The following CERS6 variants were observed in gnomAD, a reference collection of about 807,000 sequenced individuals.
CERS6 encodes the protein LAG1 homolog, ceramide synthase 6.
In CERS6, 26 loss-of-function variants were observed where a neutral mutation model predicts 56.8. That is an observed-to-expected ratio of 0.46 (90% CI 0.34 to 0.63). The LOEUF (loss-of-function observed/expected upper bound fraction) is 0.63. CERS6 is among the 30% of genes least tolerant of loss of function. The pLI, the probability that CERS6 is intolerant of heterozygous loss-of-function variation, is 0.01. For synonymous variants in CERS6, 164 were observed against 173.3 expected (o/e 0.95, Z 0.42); for missense variants, 415 against 467.5 (o/e 0.89, Z 1.04).
Position 168,752,748 on chromosome 2 carries a change from T to C in CERS6, c.846-12844T>C, listed in dbSNP as rs1339789193. ...ACCGTTCAGTGTGCTCAGGAGGCAG[T>C]GGTTTGATCTCATAAATATAGCATT... is the stretch of plus-strand genomic sequence containing the variant. On this transcript the variant is annotated intron_variant, in intron 8 of 9. Coordinates refer to ENST00000305747, the MANE Select transcript of CERS6 (RefSeq NM_203463.3). Among the ~76,000 whole-genome samples the C allele has an allele frequency of 2.6e-5, 4 of 152,252 alleles. No homozygotes were observed. In the East Asian group the frequency reaches 7.7e-4, roughly 29 times the overall value.
At chr2:168,616,012 G>A (rs903493844) in intron 3 of CERS6, among the ~76,000 whole-genome samples, 4 of 152,148 alleles carry the variant, frequency 2.6e-5, no homozygotes, top group South Asian at 2.1e-4. Context: ...TCAGATTTAC[G>A]GCAGATTTCT....
chr2:168,546,634 T>C (rs550502199), intron 1 of CERS6, among the ~76,000 whole-genome samples: 46 of 152,338 alleles, frequency 3.0e-4, no homozygotes, highest in African/African-American at 1.1e-3. Context: ...ATGGTCTGTT[T>C]TGCATATTTA....
intron 6 of CERS6, among the ~76,000 whole-genome samples, chr2:168,713,709 C>T (rs1456688051): frequency 3.3e-5 from 5 of 151,746 alleles, no homozygotes; most frequent in African/African-American, 1.2e-4. Flanking sequence ...GGCTTCAATC[C>T]CCACCAGTAT....
intron 9 of CERS6, among the ~76,000 whole-genome samples, chr2:168,768,904 C>CAA (rs765504573): frequency 3.6e-3 from 211 of 59,294 alleles, no homozygotes; most frequent in African/African-American, 9.7e-3. Context: ...GACTCTGACT[C>CAA]AAAAAAAAAA....
intron 1 of CERS6, among the ~76,000 whole-genome samples, chr2:168,533,593 G>A (rs954469761): frequency 5.3e-5 from 8 of 152,074 alleles, no homozygotes; most frequent in Admixed American, 2.6e-4. Flanking sequence ...CTGTTAGTGT[G>A]GTGAGCTTCC....
At chr2:168,737,758 G>C (rs1364810491) in intron 8 of CERS6, among the ~76,000 whole-genome samples, 1 of 152,220 alleles carries the variant, frequency 6.6e-6, no homozygotes, top group Admixed American at 6.5e-5. Flanking sequence ...TGTCCTAAAA[G>C]TGCCATTGTA....
chr2:168,748,162 G>A (rs937315310), intron 8 of CERS6, among the ~76,000 whole-genome samples: 1 of 152,162 alleles, frequency 6.6e-6, no homozygotes. Flanking sequence ...GATGGCCAAT[G>A]GTGTGTAGGA....
At chr2:168,548,966 A>G (rs544593073) in intron 2 of CERS6, among the ~76,000 whole-genome samples, 40 of 152,312 alleles carry the variant, frequency 2.6e-4, no homozygotes, top group African/African-American at 9.1e-4. Context: ...ACAGTATTTA[A>G]AAGAAAAAAA....
At chr2:168,614,019 A>G (rs1684249863) in intron 3 of CERS6, among the ~76,000 whole-genome samples, 1 of 152,180 alleles carries the variant, frequency 6.6e-6, no homozygotes, top group South Asian at 2.1e-4. Flanking sequence ...GAAATGGCTT[A>G]TTTTCTTATG....
chr2:168,456,333 GCA>G lies in CERS6; in HGVS notation c.-115_-114del. On this transcript the variant is annotated 5_prime_UTR_variant, in exon 1 of 10. Coordinates refer to ENST00000305747, the MANE Select transcript of CERS6 (RefSeq NM_203463.3). This position sits in a 1 kb window ranked among gnomAD's most constrained non-coding sequence, Gnocchi z 4.1. Reference sequence around the variant, plus strand: ...GAGGAGGCGGCGGCGGCGGGCGGGAGCAGCGGCGGCGGCGGCACAGGCTCGGG... The same window carrying G: ...GAGGAGGCGGCGGCGGCGGGCGGGAGGCGGCGGCGGCGGCACAGGCTCGGG... 2 of 575,980 alleles carry G rather than the reference GCA, an allele frequency of 3.5e-6. No homozygotes were observed. Among genetic ancestry groups the G allele is most frequent in the Non-Finnish European group, 4.8e-6 (2 of 418,600 alleles). The allele number at this position is 575,980 out of a possible 1,614,324, so 35.7% of individuals were successfully genotyped here.
intron 3 of CERS6, among the ~76,000 whole-genome samples, chr2:168,626,960 G>T (rs1684604945): frequency 6.6e-6 from 1 of 152,088 alleles, no homozygotes; most frequent in Admixed American, 6.6e-5. Flanking sequence ...GTCCCTGGGA[G>T]TTTATGCTTT....
chr2:168,704,573 TTCC>T, intron 6 of CERS6, among the ~76,000 whole-genome samples: 1 of 152,152 alleles, frequency 6.6e-6, no homozygotes, highest in African/African-American at 2.4e-5. Flanking sequence ...GAGGCACCCC[TTCC>T]ACTCAAGGCT....
At chr2:168,470,948 T>TC (rs58241725) in intron 1 of CERS6, among the ~76,000 whole-genome samples, 11,779 of 152,150 alleles carry the variant, frequency 0.077, 700 homozygotes, top group African/African-American at 0.17. Flanking sequence ...TTCCAGCTCC[T>TC]CCCAAGGCTG....
intron 3 of CERS6, among the ~76,000 whole-genome samples, chr2:168,570,585 A>C (rs1037717624): frequency 6.6e-6 from 1 of 152,088 alleles, no homozygotes; most frequent in African/African-American, 2.4e-5. Context: ...CAGCCTTAGG[A>C]GGTCAGCGTG....
chr2:168,639,568 A>G (rs7606141), intron 4 of CERS6, among the ~76,000 whole-genome samples: 145,701 of 152,224 alleles, frequency 0.96, 70,001 homozygotes, highest in East Asian at 1. Context: ...GATGTTCTTT[A>G]CTTAAGAACA....
chr2:168,457,875 G>C (rs1455952262), intron 1 of CERS6, among the ~76,000 whole-genome samples: 2 of 152,080 alleles, frequency 1.3e-5, no homozygotes, highest in Non-Finnish European at 2.9e-5. Flanking sequence ...ATTTTTCACC[G>C]GACAGTATTG....
At chr2:168,710,735 A>ACT (rs2105383424) in intron 6 of CERS6, among the ~76,000 whole-genome samples, 1 of 152,368 alleles carries the variant, frequency 6.6e-6, no homozygotes, top group South Asian at 2.1e-4. Context: ...AACCTTAGGT[A>ACT]CTAACTGCAA....
chr2:168,766,451 T>C (rs1299698746), intron 9 of CERS6: 12 of 1,005,366 alleles, frequency 1.2e-5, no homozygotes, highest in South Asian at 3.8e-5. Flanking sequence ...GTCTAACCTA[T>C]TGGCACTGTC....
At chr2:168,537,705 TCACTTCC>T (rs1342737789) in intron 1 of CERS6, among the ~76,000 whole-genome samples, 1 of 152,256 alleles carries the variant, frequency 6.6e-6, no homozygotes, top group African/African-American at 2.4e-5. Context: ...TTATTTATAC[TCACTTCC>T]CAGGTGATTT....
Sources: gnomAD v4.1 joint callset for allele counts (sites outside exome capture counted in the v4.1 genomes callset) on GRCh38, gnomAD v4.1.1 for gene constraint, Gnocchi (gnomAD v3.1) non-coding constraint, MANE v1.5 for transcripts, NCBI Gene and HGNC (gene_info 2026-07-23, HGNC 2026-07-21) for gene names.